Variants in GRIK2 observed in about 807,000 individuals in gnomAD.
GRIK2 encodes the protein glutamate receptor ionotropic, kainate 2.
Under a neutral mutation model 100.3 loss-of-function variants are expected in GRIK2, and 32 were observed. The ratio of observed to expected loss-of-function variants is 0.32; its 90% CI spans 0.24 to 0.43. The LOEUF is 0.43. Ranked by LOEUF, GRIK2 falls within the 20% of genes least tolerant of loss-of-function variation. The pLI, the probability that GRIK2 is intolerant of heterozygous loss-of-function variation, is 1.00. For synonymous variants in GRIK2, 417 were observed against 389.4 expected (o/e 1.07, Z -0.83); for missense variants, 843 against 1,114.9 (o/e 0.76, Z 3.47).
chr6:102,057,938 G>C (rs996892065), intron 16 of GRIK2, among the ~76,000 whole-genome samples: 1 of 151,668 alleles, frequency 6.6e-6, no homozygotes, highest in Non-Finnish European at 1.5e-5. Context: ...AGGTATAATG[G>C]GTTTGGGCAC....
At chr6:101,481,335 A>G (rs1214053761) in intron 2 of GRIK2, among the ~76,000 whole-genome samples, 4 of 152,124 alleles carry the variant, frequency 2.6e-5, no homozygotes, top group Non-Finnish European at 5.9e-5. Flanking sequence ...GAGCCCTCAT[A>G]TTTTGCTATA....
At chr6:101,740,195 C>T (rs1013339579) in intron 7 of GRIK2, among the ~76,000 whole-genome samples, 6 of 152,186 alleles carry the variant, frequency 3.9e-5, no homozygotes, top group African/African-American at 1.4e-4. Flanking sequence ...GACACTGGCT[C>T]AGCTGGCCGG....
chr6:101,452,406 C>T (rs1295603931), intron 2 of GRIK2, among the ~76,000 whole-genome samples: 14 of 151,436 alleles, frequency 9.2e-5, no homozygotes, highest in African/African-American at 1.7e-4. Flanking sequence ...CCAAATACAT[C>T]GCTGTTTAAT....
rs968596381 is a variant in GRIK2, at chr6:101,505,649, T to C, written c.115+106257T>C. ...AAGTCCCAAAGGTGTAAGTAGCTAA[T>C]GTACCCAGTTAAAGTGAAGAGAAAT... On this transcript the variant is annotated intron_variant, in intron 2 of 16. Coordinates refer to ENST00000369134, the MANE Select transcript of GRIK2 (RefSeq NM_021956.5). Among the ~76,000 whole-genome samples, 4 of 152,078 alleles carry C rather than the reference T, an allele frequency of 2.6e-5. No homozygotes were observed. The South Asian group carries it at 8.3e-4, about 32-fold the overall frequency.
At chr6:101,546,055 A>G (rs1283298582) in intron 2 of GRIK2, among the ~76,000 whole-genome samples, 1 of 151,896 alleles carries the variant, frequency 6.6e-6, no homozygotes. Flanking sequence ...TACCTTACTT[A>G]CTTAAATGTA....
chr6:101,769,091 G>A (rs1778237153), intron 7 of GRIK2, among the ~76,000 whole-genome samples: 1 of 151,936 alleles, frequency 6.6e-6, no homozygotes, highest in South Asian at 2.1e-4. Flanking sequence ...TTTGGTTAAG[G>A]GTATTCCTTC....
At chr6:101,972,899 A>G (rs1375897745) in intron 14 of GRIK2, among the ~76,000 whole-genome samples, 1 of 151,486 alleles carries the variant, frequency 6.6e-6, no homozygotes, top group Non-Finnish European at 1.5e-5. Context: ...TGTTCCATTG[A>G]TCTATGTGTC....
chr6:101,771,742 C>G (rs1778421983), intron 7 of GRIK2, among the ~76,000 whole-genome samples: 2 of 138,830 alleles, frequency 1.4e-5, no homozygotes, highest in African/African-American at 5.4e-5. Context: ...TCCATGTGTT[C>G]TCATTGTTCA....
At chr6:101,541,861 T>C (rs1326570655) in intron 2 of GRIK2, among the ~76,000 whole-genome samples, 1 of 151,980 alleles carries the variant, frequency 6.6e-6, no homozygotes, top group Non-Finnish European at 1.5e-5. Flanking sequence ...CTTTCCTTTC[T>C]TTTATTCTCC....
intron 7 of GRIK2, among the ~76,000 whole-genome samples, chr6:101,704,112 T>C (rs1773091992): frequency 6.6e-6 from 1 of 151,760 alleles, no homozygotes; most frequent in South Asian, 2.1e-4. Context: ...TTAGGGGCCA[T>C]AAATGTTAAG....
chr6:101,424,737 C>G (rs1776614999), intron 2 of GRIK2, among the ~76,000 whole-genome samples: 1 of 151,274 alleles, frequency 6.6e-6, no homozygotes, highest in South Asian at 2.1e-4. Context: ...CCACAACAGT[C>G]CCCGGAGTGT....
intron 2 of GRIK2, among the ~76,000 whole-genome samples, chr6:101,558,928 T>C (rs1191374837): frequency 6.6e-6 from 1 of 152,080 alleles, no homozygotes; most frequent in Non-Finnish European, 1.5e-5. Context: ...ATAAAACAGA[T>C]CACCGTATAT....
At chr6:101,423,327 G>A (rs902389362) in intron 2 of GRIK2, among the ~76,000 whole-genome samples, 5 of 152,206 alleles carry the variant, frequency 3.3e-5, no homozygotes, top group African/African-American at 9.6e-5. Flanking sequence ...TTGTTCTTAG[G>A]TATACTTTAA....
intron 2 of GRIK2, among the ~76,000 whole-genome samples, chr6:101,539,717 G>A (rs1582671078): frequency 6.6e-6 from 1 of 151,686 alleles, no homozygotes; most frequent in East Asian, 1.9e-4. Flanking sequence ...ACATGGCTGA[G>A]TCATAAACAC....
rs1789766151 is a variant in GRIK2, at chr6:101,924,582, T to C, written c.1749-19T>C. 1 of 1,253,428 alleles carries C rather than the reference T, an allele frequency of 8.0e-7. No individual in the cohort carries two copies. The highest frequency in any genetic ancestry group is 2.3e-5 in the East Asian group (1 of 43,006). 77.6% of individuals were successfully genotyped at this position (1,253,428 alleles called of 1,614,324 possible). ...CCACTGCAATTTAAATGTATTCTTT[T>C]TTCTGTCAATTACCACAGGTTTAGT... On this transcript the variant is annotated intron_variant, in intron 12 of 16. Coordinates refer to ENST00000369134, the MANE Select transcript of GRIK2 (RefSeq NM_021956.5).
intron 2 of GRIK2, among the ~76,000 whole-genome samples, chr6:101,450,344 C>A (rs1051215954): frequency 3.3e-5 from 5 of 151,524 alleles, no homozygotes; most frequent in African/African-American, 1.2e-4. Context: ...AGGAGTGAAC[C>A]TTATTACAAT....
At chr6:101,818,301 C>T (rs924776084) in intron 9 of GRIK2, 69 bp from the exon 10 acceptor site, 1 of 826,286 alleles carries the variant, frequency 1.2e-6, no homozygotes, top group East Asian at 2.6e-5. Context: ...GCAATCTTAA[C>T]TTTCTTTTGC....
intron 10 of GRIK2, among the ~76,000 whole-genome samples, chr6:101,823,932 ATCTCTGC>A (rs1423051102): frequency 6.8e-6 from 1 of 147,130 alleles, no homozygotes; most frequent in African/African-American, 2.5e-5. Context: ...CAGTAGCATG[ATCTCTGC>A]TCACTGCAAC....
At chr6:101,878,758 C>G (rs552710985) in intron 11 of GRIK2, among the ~76,000 whole-genome samples, 41 of 152,000 alleles carry the variant, frequency 2.7e-4, no homozygotes, top group African/African-American at 9.2e-4. Context: ...TATTTGCTAT[C>G]TTGTTTCACT....
Sources: allele counts gnomAD v4.1 joint callset (sites outside exome capture counted in the v4.1 genomes callset), GRCh38; gene constraint gnomAD v4.1.1; transcripts MANE v1.5; gene names NCBI Gene and HGNC (gene_info 2026-07-23, HGNC 2026-07-21).